SH2D3C: variants seen among roughly 807,000 people sequenced by gnomAD.
SH2D3C encodes the protein SH2 domain containing 3C.
In SH2D3C, 25 loss-of-function variants were observed where a neutral mutation model predicts 75.2. The ratio of observed to expected loss-of-function variants is 0.33; its 90% CI spans 0.24 to 0.46. The LOEUF (loss-of-function observed/expected upper bound fraction) is 0.46. Among genes scored for constraint, SH2D3C ranks in the 20% least tolerant of loss-of-function variants. The pLI is 1.00. For missense variants in SH2D3C, 933 were observed against 1,165.3 expected, an observed-to-expected ratio of 0.80 and a Z score of 2.90; for synonymous variants, 450 against 473.7, an observed-to-expected ratio of 0.95 and a Z score of 0.65.
chr9:127,766,757 A>G, intron 2 of SH2D3C: 1 of 620,866 alleles, frequency 1.6e-6, no homozygotes, highest in South Asian at 2.0e-5. Context: ...TTTAGTAGAG[A>G]TGGGGTTTCA....
intron 1 of SH2D3C, among the ~76,000 whole-genome samples, chr9:127,775,168 A>G (rs1845792003): frequency 6.6e-6 from 1 of 152,178 alleles, no homozygotes; most frequent in African/African-American, 2.4e-5. Flanking sequence ...AGCCTCAATC[A>G]GAATTAGCAA....
intron 2 of SH2D3C, 107 bp downstream of exon 2, chr9:127,773,883 A>G (rs1360105539): frequency 8.9e-6 from 6 of 673,612 alleles, no homozygotes; most frequent in Admixed American, 2.9e-5. Context: ...ACACCACTGC[A>G]CTCCAGCCTG....
At chr9:127,770,429 T>C (rs896906260) in intron 2 of SH2D3C, among the ~76,000 whole-genome samples, 5 of 152,150 alleles carry the variant, frequency 3.3e-5, no homozygotes, top group Admixed American at 6.5e-5. Flanking sequence ...TCAGAGACCA[T>C]CTCAGGCCCA....
In SH2D3C at chr9:127,749,181, C is replaced by A. The variant is rs746802045; in HGVS notation, c.1139+30G>T. On this transcript the variant is annotated intron_variant, in intron 5 of 11. Coordinates refer to ENST00000314830, the MANE Select transcript of SH2D3C (RefSeq NM_170600.3). This position sits in a 1 kb window ranked among gnomAD's most constrained non-coding sequence, Gnocchi z 5.9. ...TCACTAGCCCTCTCATTACCCACAA[C>A]CCCATTTGACAAATGGGGCCCTGGC... The A allele has an allele frequency of 1.3e-6, 2 of 1,491,654 alleles. No individual in the cohort carries two copies. Among genetic ancestry groups the A allele is most frequent in the Admixed American group, 2.0e-5 (1 of 49,844 alleles). The allele number at this position is 1,491,654 out of a possible 1,614,324, so 92.4% of individuals were successfully genotyped here. A position where few individuals can be genotyped will look rare whatever the true frequency, so the allele number is the denominator to read the frequency against.
Position 127,751,381 on chromosome 9 carries a change from G to T in SH2D3C, c.556-81C>A. 1.5e-6 allele frequency: 2 copies of T among 1,376,240 alleles called. No homozygotes were observed. Among genetic ancestry groups the T allele is most frequent in the Non-Finnish European group, 2.0e-6 (2 of 977,614 alleles). The allele number at this position is 1,376,240 out of a possible 1,614,324, so 85.3% of individuals were successfully genotyped here. A position where few individuals can be genotyped will look rare whatever the true frequency, so the allele number is the denominator to read the frequency against. Reference sequence around the variant, plus strand: ...CTCCCAACTTCATTCTACCATGGATGAACTCCTCCTATCCTGGGACTCTGG... The same window carrying T: ...CTCCCAACTTCATTCTACCATGGATTAACTCCTCCTATCCTGGGACTCTGG... On this transcript the variant is annotated intron_variant, in intron 3 of 11. Coordinates refer to ENST00000314830, the MANE Select transcript of SH2D3C (RefSeq NM_170600.3). This position sits in a 1 kb window ranked among gnomAD's most constrained non-coding sequence, Gnocchi z 4.1.
Position 127,749,084 on chromosome 9 carries a change from A to T in SH2D3C, c.1139+127T>A, listed in dbSNP as rs116390561. 1,730 of 762,806 alleles carry T rather than the reference A, an allele frequency of 2.3e-3. 18 individuals are homozygous for T. In the African/African-American group the frequency reaches 0.025, roughly 11 times the overall value. 47.3% of individuals were successfully genotyped at this position (762,806 alleles called of 1,614,324 possible). On this transcript the variant is annotated intron_variant, in intron 5 of 11. Transcript: ENST00000314830. The surrounding 1 kb of genome is among the most constrained non-coding windows in gnomAD (Gnocchi z 5.9). ...CAGAGTATGGCCCAACCTTCCTCCC[A>T]TTCCTCCCTGCACACAGAGGCTCCA...
chr9:127,761,473 C>T (rs951155062), intron 3 of SH2D3C, 138 bp downstream of exon 3: 9 of 601,120 alleles, frequency 1.5e-5, no homozygotes, highest in East Asian at 1.2e-4. Context: ...GCCTCGACTC[C>T]GAGAACCTCC....
intron 2 of SH2D3C, among the ~76,000 whole-genome samples, chr9:127,770,809 G>A (rs930149999): frequency 5.3e-5 from 8 of 152,144 alleles, no homozygotes; most frequent in Non-Finnish European, 8.8e-5. Context: ...GGTTTCTCAA[G>A]ACCACCTTTC....
Position 127,741,922 on chromosome 9 carries a change from G to A in SH2D3C, c.1954C>T (p.Leu652=). 1.9e-6 allele frequency: 3 copies of A among 1,612,890 alleles called. No homozygotes were observed. Among genetic ancestry groups the A allele is most frequent in the Non-Finnish European group, 2.5e-6 (3 of 1,179,920 alleles). Residue 652 remains leucine, a synonymous_variant, in exon 9 of 12, where the codon CTG becomes TTG. Transcript: ENST00000314830. The part of the protein sequence containing the change: ...TMSIMLAVDI[L]GCTGSAEERA... ...TCCTCCGCAGAGCCGGTGCAGCCCA[G>A]GATGTCCACGGCCAGCATGATGGAC...
intron 2 of SH2D3C, among the ~76,000 whole-genome samples, chr9:127,766,046 T>G (rs1055826532): frequency 1.4e-4 from 21 of 152,340 alleles, no homozygotes; most frequent in Middle Eastern, 3.4e-3. Flanking sequence ...ATTATCCTTA[T>G]TTTCCCAATG....
At chr9:127,743,613 A>G (rs928173187) in intron 7 of SH2D3C, among the ~76,000 whole-genome samples, 5 of 152,246 alleles carry the variant, frequency 3.3e-5, no homozygotes, top group African/African-American at 1.2e-4. Flanking sequence ...GGCTTGCCCA[A>G]GGTCACACAC....
chr9:127,751,340 TCTC>T lies in SH2D3C; in HGVS notation c.556-43_556-41del, dbSNP rs780799306. 3 of 1,601,778 alleles carry T rather than the reference TCTC, an allele frequency of 1.9e-6. No homozygotes were observed. In the African/African-American group the frequency reaches 4.0e-5, roughly 21 times the overall value. On this transcript the variant is annotated intron_variant, in intron 3 of 11. Coordinates refer to ENST00000314830, the MANE Select transcript of SH2D3C (RefSeq NM_170600.3). The surrounding 1 kb of genome is among the most constrained non-coding windows in gnomAD (Gnocchi z 4.1). ...GCAAGAGTTGGCATCCAACTTAAAG[TCTC>T]CTTCTTCTTTCCCTCCCAACTTCAT...
At chr9:127,742,634 G>A in intron 8 of SH2D3C, 1 of 511,604 alleles carries the variant, frequency 2.0e-6, no homozygotes, top group East Asian at 3.3e-5. Flanking sequence ...GGATGCGAAA[G>A]GAAGGCGAAT....
At chr9:127,769,180 A>G (rs1378282038) in intron 2 of SH2D3C, among the ~76,000 whole-genome samples, 1 of 152,316 alleles carries the variant, frequency 6.6e-6, no homozygotes, top group East Asian at 1.9e-4. Flanking sequence ...AGGACCTAGA[A>G]CAGTGTCTGA....
In SH2D3C at chr9:127,740,384, C is replaced by T; in HGVS notation, c.2089-15G>A. The stretch of plus-strand genomic sequence containing the variant: ...AGCCGAGAAATCTGGGGAGGCCAAA[C>T]TGTGAGAGACCAGCCAGGCAGAGGG... On this transcript the variant is annotated splice_polypyrimidine_tract_variant and intron_variant, in intron 9 of 11. Transcript: ENST00000314830. 6.2e-7 allele frequency: 1 copy of T among 1,607,294 alleles called. No homozygotes were observed. The highest frequency in any genetic ancestry group is 8.5e-7 in the Non-Finnish European group (1 of 1,173,982).
intron 6 of SH2D3C, among the ~76,000 whole-genome samples, chr9:127,745,908 C>T (rs1325940950): frequency 3.3e-5 from 5 of 152,164 alleles, no homozygotes; most frequent in Non-Finnish European, 5.9e-5. Flanking sequence ...ATTTACTAAG[C>T]TCTTAGTGCC....
chr9:127,747,022 G>C, intron 6 of SH2D3C, 125 bp downstream of exon 6: 1 of 900,952 alleles, frequency 1.1e-6, no homozygotes, highest in Non-Finnish European at 1.7e-6. Flanking sequence ...TCCAGTGTCA[G>C]TTCTTTCTCT....
chr9:127,764,739 G>A (rs373718199), intron 2 of SH2D3C, among the ~76,000 whole-genome samples: 1 of 152,074 alleles, frequency 6.6e-6, no homozygotes, highest in Non-Finnish European at 1.5e-5. Context: ...ATGGAGTCTC[G>A]CTCCATCGCC....
At chr9:127,762,042 C>T (rs1043608845) in intron 2 of SH2D3C, 1 of 261,556 alleles carries the variant, frequency 3.8e-6, no homozygotes, top group South Asian at 4.3e-5. Context: ...CTTCCCTACC[C>T]CCTCCTCCCA....
Sources: allele counts gnomAD v4.1 joint callset (sites outside exome capture counted in the v4.1 genomes callset), GRCh38; gene constraint gnomAD v4.1.1; non-coding constraint Gnocchi (gnomAD v3.1); transcripts MANE v1.5; gene names NCBI Gene and HGNC (gene_info 2026-07-23, HGNC 2026-07-21).